The following STX1A variants were observed in gnomAD, a reference collection of about 807,000 sequenced individuals.
STX1A encodes the protein syntaxin 1A.
In STX1A, 4 loss-of-function variants were observed where a neutral mutation model predicts 37.8. That is an observed-to-expected ratio of 0.11 (90% CI 0.05 to 0.24). STX1A has a LOEUF of 0.24. STX1A is among the 10% of genes least tolerant of loss of function. The pLI, the probability that STX1A is intolerant of heterozygous loss-of-function variation, is 1.00. For synonymous variants in STX1A, 135 were observed against 147.4 expected, an observed-to-expected ratio of 0.92 and a Z score of 0.61; for missense variants, 251 against 399.9, an observed-to-expected ratio of 0.63 and a Z score of 3.18.
chr7:73,710,096 A>C (rs1451203117), intron 1 of STX1A, among the ~76,000 whole-genome samples: 1 of 152,180 alleles, frequency 6.6e-6, no homozygotes, highest in East Asian at 1.9e-4. Flanking sequence ...TGGGCCCAGC[A>C]GGCACAAGGG....
intron 6 of STX1A, 70 bp downstream of exon 6, chr7:73,704,078 A>G: frequency 6.8e-7 from 1 of 1,469,454 alleles, no homozygotes; most frequent in East Asian, 2.4e-5. Flanking sequence ...TGAGCCACGC[A>G]CTCAGCAGCA....
At chr7:73,701,551 A>G (rs1379882342) in intron 8 of STX1A, among the ~76,000 whole-genome samples, 3 of 151,634 alleles carry the variant, frequency 2.0e-5, no homozygotes, top group Non-Finnish European at 2.9e-5. Context: ...AAAAAAATAG[A>G]ACCCCCTGCC....
intron 1 of STX1A, among the ~76,000 whole-genome samples, chr7:73,710,040 G>A (rs577846455): frequency 1.3e-5 from 2 of 152,188 alleles, no homozygotes; most frequent in South Asian, 2.1e-4. Flanking sequence ...CCTCCCTGTC[G>A]GTCTTGCCAT....
intron 1 of STX1A, among the ~76,000 whole-genome samples, chr7:73,711,885 T>G (rs1799116044): frequency 6.6e-6 from 1 of 152,142 alleles, no homozygotes; most frequent in African/African-American, 2.4e-5. Flanking sequence ...GACCTCAGCT[T>G]GCCCATCTGT....
rs1798983285 is a variant in STX1A, at chr7:73,708,774, G to A, written c.109-86C>T. The A allele has an allele frequency of 1.2e-5, 18 of 1,440,282 alleles. No homozygotes were observed. In the South Asian group the frequency reaches 2.2e-4, roughly 17 times the overall value. The allele number at this position is 1,440,282 out of a possible 1,614,324, so 89.2% of individuals were successfully genotyped here. ...AGAGATGGCCCAGAGTAGGGCTGCG[G>A]TCAGGGCTCAGGGGGAGGACGGGCC... On this transcript the variant is annotated intron_variant, in intron 2 of 9. Transcript: ENST00000222812.
intron 1 of STX1A, among the ~76,000 whole-genome samples, chr7:73,711,603 C>T (rs1799105896): frequency 6.6e-6 from 1 of 152,080 alleles, no homozygotes; most frequent in African/African-American, 2.4e-5. Context: ...CAGAGGAGCC[C>T]TCCCTAGGGA....
rs1267994951 is a variant in STX1A at position 73,702,370 on chromosome 7, G to A, written c.678+475C>T. 2.0e-5 allele frequency among the ~76,000 whole-genome samples: 3 copies of A among 152,176 alleles called. No homozygotes were observed. Among genetic ancestry groups the A allele is most frequent in the African/African-American group, 7.2e-5 (3 of 41,448 alleles). ...TCCTGGACCTTCACCTCAGCTGCCA[G>A]TCTCTGGGACGGGGACCTGGAAACT... On this transcript the variant is annotated intron_variant, in intron 8 of 9. Coordinates refer to ENST00000222812, the MANE Select transcript of STX1A (RefSeq NM_004603.4). The surrounding 1 kb of genome is among the most constrained non-coding windows in gnomAD (Gnocchi z 4.7).
chr7:73,716,214 G>C (rs1278891548), intron 1 of STX1A, among the ~76,000 whole-genome samples: 1 of 152,244 alleles, frequency 6.6e-6, no homozygotes, highest in African/African-American at 2.4e-5. Flanking sequence ...AGGATCGGGC[G>C]AGCCCTGTCC....
chr7:73,705,028 C>T lies in STX1A; in HGVS notation c.283+122G>A, dbSNP rs1798820096. On this transcript the variant is annotated intron_variant, in intron 4 of 9. Transcript: ENST00000222812. The surrounding 1 kb of genome is among the most constrained non-coding windows in gnomAD (Gnocchi z 5.2). ...CTGCTGAGTGAATGGGCACATGACG[C>T]CACCCTCAGAAAGGAAAGCAAGATC... The T allele has an allele frequency of 9.3e-6, 9 of 970,238 alleles. No individual in the cohort carries two copies. Among genetic ancestry groups the T allele is most frequent in the Admixed American group, 1.8e-5 (1 of 56,582 alleles). The allele number at this position is 970,238 out of a possible 1,614,324, so 60.1% of individuals were successfully genotyped here.
chr7:73,705,663 C>A lies in STX1A; in HGVS notation c.209-439G>T. 5.0e-6 allele frequency: 1 copy of A among 201,806 alleles called. No individual in the cohort carries two copies. The highest frequency in any genetic ancestry group is 2.1e-3 in the Middle Eastern group (1 of 486). The allele number at this position is 201,806 out of a possible 1,614,324, so 12.5% of individuals were successfully genotyped here. The stretch of plus-strand genomic sequence containing the variant: ...GGTACGCAGCCAGGCAGGGGGTTGA[C>A]AGGGGACCACCCCACACTCCCTGAG... On this transcript the variant is annotated intron_variant, in intron 3 of 9. Coordinates refer to ENST00000222812, the MANE Select transcript of STX1A (RefSeq NM_004603.4). This position sits in a 1 kb window ranked among gnomAD's most constrained non-coding sequence, Gnocchi z 5.2.
chr7:73,706,375 C>T lies in STX1A; in HGVS notation c.209-1151G>A, dbSNP rs541028492. Among the ~76,000 whole-genome samples the T allele has an allele frequency of 2.6e-5, 4 of 152,276 alleles. No individual in the cohort carries two copies. The highest frequency in any genetic ancestry group is 4.1e-4 in the South Asian group (2 of 4,830). ...TGCTCAGACCCAAAATAGCCCAGGC[C>T]GGATGGCAGCCCCCAGAGGAGGCAG... is the stretch of plus-strand genomic sequence containing the variant. On this transcript the variant is annotated intron_variant, in intron 3 of 9. Coordinates refer to ENST00000222812, the MANE Select transcript of STX1A (RefSeq NM_004603.4). The surrounding 1 kb of genome is among the most constrained non-coding windows in gnomAD (Gnocchi z 4.6).
intron 7 of STX1A, 69 bp downstream of exon 7, chr7:73,703,686 C>A: frequency 6.5e-7 from 1 of 1,532,410 alleles, no homozygotes; most frequent in South Asian, 1.2e-5. Flanking sequence ...CCAGACCCAG[C>A]ACTAGGGGTC....
Position 73,700,497 on chromosome 7 carries a change from C to T in STX1A, c.790-13G>A, listed in dbSNP as rs200193260. ...TCATGATTTTCTTCTGCATGGGAAGCGGGCAGGAGAGGCCTCAGACAGTGT... is the reference window on the plus strand; with the variant it reads ...TCATGATTTTCTTCTGCATGGGAAGTGGGCAGGAGAGGCCTCAGACAGTGT... On this transcript the variant is annotated splice_polypyrimidine_tract_variant and intron_variant, in intron 9 of 9. Coordinates refer to ENST00000222812, the MANE Select transcript of STX1A (RefSeq NM_004603.4). The surrounding 1 kb of genome is among the most constrained non-coding windows in gnomAD (Gnocchi z 4.4). The T allele has an allele frequency of 1.1e-5, 17 of 1,613,402 alleles. No homozygotes were observed. Among genetic ancestry groups the T allele is most frequent in the South Asian group, 5.5e-5 (5 of 90,998 alleles).
At position 73,706,421 on chromosome 7, in the gene STX1A, G is replaced by GC. The variant is rs1485642476; in HGVS notation, c.209-1198dup. Among the ~76,000 whole-genome samples, 1 of 152,050 alleles carries GC rather than the reference G, an allele frequency of 6.6e-6. No homozygotes were observed. The highest frequency in any genetic ancestry group is 1.5e-5 in the Non-Finnish European group (1 of 68,012). On this transcript the variant is annotated intron_variant, in intron 3 of 9. Transcript: ENST00000222812. The surrounding 1 kb of genome is among the most constrained non-coding windows in gnomAD (Gnocchi z 4.6). ...GGCAGAGCCTGCCTTGCCCGGGAGA[G>GC]CCCCCCACTCATTGCCATCTTTCCT... is the stretch of plus-strand genomic sequence containing the variant.
At position 73,704,159 on chromosome 7, in the gene STX1A, T is replaced by C. The variant is rs1554616416; in HGVS notation, c.455A>G (p.Gln152Arg). The C allele has an allele frequency of 1.3e-6, 2 of 1,559,098 alleles. No homozygotes were observed. The highest frequency in any genetic ancestry group is 1.1e-5 in the South Asian group (1 of 90,294). Residue 152 changes from glutamine (Q) to arginine (R), a missense_variant, in exon 6 of 10, where the codon CAG becomes CGG. Physicochemically the swap from Gln to Arg is conservative, Grantham distance 43. Around this residue, in one of 2 missense-constraint regions of STX1A, gnomAD observed 214 missense variants for 367.6 expected, o/e 0.58. Transcript: ENST00000222812. ...CACCCCCAGCTCACTGATCTCCAGC[T>C]GCCTCTGGATGCGGCCTTTGCAGCG... is the stretch of plus-strand genomic sequence containing the variant. Reference protein sequence around the residue: ...RERCKGRIQRQLEITGRTTTS... With the variant: ...RERCKGRIQRRLEITGRTTTS...
intron 3 of STX1A, among the ~76,000 whole-genome samples, chr7:73,707,160 G>A (rs557554995): frequency 2.6e-5 from 4 of 152,314 alleles, no homozygotes; most frequent in African/African-American, 9.6e-5. Context: ...ACACCTGATG[G>A]CTGCATCCCT....
intron 4 of STX1A, chr7:73,704,768 C>T: frequency 2.0e-6 from 1 of 510,236 alleles, no homozygotes; most frequent in East Asian, 3.5e-5. Flanking sequence ...CAGGTGGCCC[C>T]TCCTGCAGGG....
intron 1 of STX1A, among the ~76,000 whole-genome samples, chr7:73,715,489 A>G (rs1286618838): frequency 1.3e-5 from 2 of 151,842 alleles, no homozygotes; most frequent in Non-Finnish European, 2.9e-5. Context: ...AGTGCTCCTT[A>G]CCTCCCTAGC....
intron 3 of STX1A, 138 bp downstream of exon 3, chr7:73,708,451 C>G (rs1798965091): frequency 1.3e-6 from 1 of 781,108 alleles, no homozygotes; most frequent in Non-Finnish European, 2.1e-6. Context: ...TCGTGAAACC[C>G]TCCCGACCCT....
Sources: allele counts gnomAD v4.1 joint callset (sites outside exome capture counted in the v4.1 genomes callset), GRCh38; gene constraint gnomAD v4.1.1; regional missense constraint gnomAD v4.1.1; non-coding constraint Gnocchi (gnomAD v3.1); transcripts MANE v1.5; gene names NCBI Gene and HGNC (gene_info 2026-07-23, HGNC 2026-07-21).